Variants in ARHGAP27 observed in about 807,000 individuals in gnomAD.
ARHGAP27 encodes Rho GTPase activating protein 27, also known as rho GTPase-activating protein 27.
Under a neutral mutation model 102.0 loss-of-function variants are expected in ARHGAP27, and 53 were observed. That is an observed-to-expected ratio of 0.52 (90% CI 0.42 to 0.65). The LOEUF (loss-of-function observed/expected upper bound fraction) is 0.65. ARHGAP27 is among the 30% of genes least tolerant of loss of function. ARHGAP27 has a pLI of 0.00. For synonymous variants in ARHGAP27, 525 were observed against 542.8 expected (o/e 0.97, Z 0.46); for missense variants, 1,117 against 1,256.2 (o/e 0.89, Z 1.68).
rs1382036539 is a variant in ARHGAP27, at chr17:45,406,078, G to A, written c.663C>T (p.Asp221=). 5.9e-6 allele frequency: 9 copies of A among 1,514,288 alleles called. No homozygotes were observed. The highest frequency in any genetic ancestry group is 5.3e-6 in the Non-Finnish European group (6 of 1,134,118). The allele number at this position is 1,514,288 out of a possible 1,614,324, so 93.8% of individuals were successfully genotyped here. A position where few individuals can be genotyped will look rare whatever the true frequency, so the allele number is the denominator to read the frequency against. ...PPPEESAEQV[D]DPPEPVYANI... is the part of the protein sequence containing the mutation. ...TCGCGTACACGGGCTCCGGTGGGTC[G>A]TCCACCTGCGGGAGGAGAAAGGAGG... is the stretch of plus-strand genomic sequence containing the variant. The change falls in exon 5 of 20, where the codon GAC becomes GAT. Residue 221 remains aspartate (D), a synonymous_variant. Transcript: ENST00000685559.
intron 13 of ARHGAP27, chr17:45,397,487 A>C (rs2045894807): frequency 8.0e-6 from 2 of 250,518 alleles, no homozygotes; most frequent in African/African-American, 4.5e-5. Context: ...ATGTTGGCTC[A>C]TAGGGAATTA....
In ARHGAP27 at chr17:45,404,028, C is replaced by A; in HGVS notation, c.1547+1G>T. The A allele has an allele frequency of 6.2e-7, 1 of 1,614,002 alleles. No individual in the cohort carries two copies. Among genetic ancestry groups the A allele is most frequent in the South Asian group, 1.1e-5 (1 of 91,062 alleles). The stretch of plus-strand genomic sequence containing the variant: ...CGGCCTGAGTGTAGATGGGCTCTCA[C>A]CGGAGCCGCTTTCCCTTGTCTGCCG... On this transcript the variant is annotated splice_donor_variant, in intron 10 of 19. Transcript: ENST00000685559. LOFTEE classifies it high-confidence loss of function.
chr17:45,397,132 C>A, intron 13 of ARHGAP27, 108 bp from the exon 14 acceptor site: 1 of 1,509,224 alleles, frequency 6.6e-7, no homozygotes. Context: ...GCCTGGAGAC[C>A]CTCAGCGAAG....
At position 45,396,505 on chromosome 17, in the gene ARHGAP27, G is replaced by A. The variant is rs748854028; in HGVS notation, c.2155C>T (p.Arg719Cys). 6.4e-6 allele frequency: 10 copies of A among 1,559,992 alleles called. No homozygotes were observed. The highest frequency in any genetic ancestry group is 4.6e-5 in the South Asian group (4 of 87,018). Residue 719 changes from arginine (R) to cysteine (C), a missense_variant, in exon 16 of 20, where the codon CGC becomes TGC. This residue lies in a region of ARHGAP27 where 493 missense variants were observed against 505.5 expected (regional missense o/e 0.98). Transcript: ENST00000685559. ...CACGTACCGCGGGCCTCGACGGCGC[G>A]GATGCACTGCTGCACGAAGCGTGGC... Reference protein sequence around the residue: ...RVPRFVQQCIRAVEARGLDID... With the variant: ...RVPRFVQQCICAVEARGLDID...
rs1188502559 is a variant in ARHGAP27, at chr17:45,405,667, GC to G, written c.1065+8del. 1 of 1,578,582 alleles carries G rather than the reference GC, an allele frequency of 6.3e-7. No homozygotes were observed. Among genetic ancestry groups the G allele is most frequent in the Admixed American group, 1.7e-5 (1 of 57,574 alleles). On this transcript the variant is annotated splice_region_variant and intron_variant, in intron 5 of 19. Coordinates refer to ENST00000685559, the MANE Select transcript of ARHGAP27 (RefSeq NM_001282290.2). Reference sequence around the variant, plus strand: ...AGGTAGAACCGCCCACTCTGGCCCTGCCCCTCACCCGCGGGTCCCCTGGGCT... The same window carrying G: ...AGGTAGAACCGCCCACTCTGGCCCTGCCCTCACCCGCGGGTCCCCTGGGCT...
At chr17:45,396,462 G>A (rs1018261139) in intron 16 of ARHGAP27, 25 bp downstream of exon 16, 16 of 1,508,290 alleles carry the variant, frequency 1.1e-5, no homozygotes, top group East Asian at 9.9e-5. Flanking sequence ...AATGCCTGCC[G>A]CCCTCACCCC....
rs769083512 is a variant in ARHGAP27, at chr17:45,405,709, C to G, written c.1032G>C (p.Pro344=). The change falls in exon 5 of 20, where the codon CCG becomes CCC. Residue 344 remains proline, a synonymous_variant. Transcript: ENST00000685559. ...CCCCTGGGCTGCCAGGGCTCAGGCC[C>G]GGCTGCATCTCCAACTCCTCCTCGG... is the stretch of plus-strand genomic sequence containing the variant. ...NEPEEELEMQ[P]GLSPGSPGDP... The G allele has an allele frequency of 5.6e-6, 9 of 1,602,862 alleles. No individual in the cohort carries two copies. The highest frequency in any genetic ancestry group is 4.4e-5 in the South Asian group (4 of 90,750).
chr17:45,430,126 G>T lies in ARHGAP27; in HGVS notation c.154C>A (p.Pro52Thr), dbSNP rs1451887353. The T allele has an allele frequency of 1.3e-6, 2 of 1,525,390 alleles. No homozygotes were observed. Among genetic ancestry groups the T allele is most frequent in the Non-Finnish European group, 1.7e-6 (2 of 1,142,884 alleles). The allele number at this position is 1,525,390 out of a possible 1,614,324, so 94.5% of individuals were successfully genotyped here. Residue 52 changes from proline (P) to threonine (T), a missense_variant, in exon 4 of 20, where the codon CCC becomes ACC. Physicochemically the swap from Pro to Thr is conservative, Grantham distance 38. Around this residue, in one of 3 missense-constraint regions of ARHGAP27, gnomAD observed 610 missense variants for 716.4 expected, o/e 0.85. Transcript: ENST00000685559. This position sits in a 1 kb window ranked among gnomAD's most constrained non-coding sequence, Gnocchi z 4.4. Reference protein sequence around the residue: ...TEHWWHVRREPGGRPFYLPAQ... With the variant: ...TEHWWHVRRETGGRPFYLPAQ... ...GGCAGGTAGAAGGGGCGGCCGCCGG[G>T]CTCACGCCGCACGTGCCACCAGTGC...
At chr17:45,405,408 C>A (rs190462182) in intron 5 of ARHGAP27, among the ~76,000 whole-genome samples, 1 of 151,400 alleles carries the variant, frequency 6.6e-6, no homozygotes, top group African/African-American at 2.4e-5. Context: ...ACCCATCCTG[C>A]CCCACCCCTC....
rs535221604 is a variant in ARHGAP27, at chr17:45,406,043, C to G, written c.698G>C (p.Arg233Thr). 612 of 1,533,400 alleles carry G rather than the reference C, an allele frequency of 4.0e-4. No individual in the cohort carries two copies. Among genetic ancestry groups the G allele is most frequent in the Non-Finnish European group, 5.1e-4 (587 of 1,145,136 alleles). The allele number at this position is 1,533,400 out of a possible 1,614,324, so 95.0% of individuals were successfully genotyped here. Residue 233 changes from arginine to threonine, a missense_variant, in exon 5 of 20, where the codon AGG becomes ACG. Coordinates refer to ENST00000685559, the MANE Select transcript of ARHGAP27 (RefSeq NM_001282290.2). The part of the protein sequence containing the change: ...PPEPVYANIE[R>T]QPRATSPGAA... The stretch of plus-strand genomic sequence containing the variant: ...GCCCGGTGAAGTGGCCCGGGGCTGC[C>G]TCTCTATGTTCGCGTACACGGGCTC...
At chr17:45,398,744 A>C (rs1026117590) in intron 12 of ARHGAP27, among the ~76,000 whole-genome samples, 1 of 151,974 alleles carries the variant, frequency 6.6e-6, no homozygotes, top group Non-Finnish European at 1.5e-5. Flanking sequence ...AAAAAAAAAA[A>C]AACAAAACAA....
intron 4 of ARHGAP27, among the ~76,000 whole-genome samples, chr17:45,414,006 T>C (rs2048185244): frequency 6.6e-6 from 1 of 151,746 alleles, no homozygotes; most frequent in Non-Finnish European, 1.5e-5. Context: ...CTCGGGAGGC[T>C]GAGGCAAGAG....
intron 4 of ARHGAP27, among the ~76,000 whole-genome samples, chr17:45,407,019 T>C (rs2047256631): frequency 6.6e-6 from 1 of 152,086 alleles, no homozygotes; most frequent in South Asian, 2.1e-4. Flanking sequence ...ACATAGAACA[T>C]AAACCTAGCC....
In ARHGAP27 at chr17:45,431,647, C is replaced by A; in HGVS notation, c.-45G>T. 5.7e-6 allele frequency: 1 copy of A among 176,454 alleles called. No individual in the cohort carries two copies. The highest frequency in any genetic ancestry group is 1.0e-4 in the South Asian group (1 of 9,822). 10.9% of individuals were successfully genotyped at this position (176,454 alleles called of 1,614,324 possible). A position where few individuals can be genotyped will look rare whatever the true frequency, so the allele number is the denominator to read the frequency against. ...TCGGCTGGGCGGGCCTCAGGGAGCCCATGGGCTGGGTGGGCGGAGCCGGCG... is the reference window on the plus strand; with the variant it reads ...TCGGCTGGGCGGGCCTCAGGGAGCCAATGGGCTGGGTGGGCGGAGCCGGCG... On this transcript the variant is annotated 5_prime_UTR_variant, in exon 3 of 20. An upstream start codon of the reference 5' UTR is lost. Transcript: ENST00000685559.
rs2045448883 is a variant in ARHGAP27, at chr17:45,395,233, C to T, written c.*223G>A. ...GAATTAACCCCCAAACAGGACGTGA[C>T]GGGAAGGGAAGGGGGGATGGGGAGT... On this transcript the variant is annotated 3_prime_UTR_variant, in exon 20 of 20. Coordinates refer to ENST00000685559, the MANE Select transcript of ARHGAP27 (RefSeq NM_001282290.2). 1.7e-6 allele frequency: 1 copy of T among 600,082 alleles called. No homozygotes were observed. The highest frequency in any genetic ancestry group is 2.9e-6 in the Non-Finnish European group (1 of 346,698). The allele number at this position is 600,082 out of a possible 1,614,324, so 37.2% of individuals were successfully genotyped here. A position where few individuals can be genotyped will look rare whatever the true frequency, so the allele number is the denominator to read the frequency against.
intron 6 of ARHGAP27, 67 bp downstream of exon 6, chr17:45,404,857 C>T (rs1357636906): frequency 6.2e-7 from 1 of 1,608,332 alleles, no homozygotes; most frequent in African/African-American, 1.3e-5. Flanking sequence ...CTGAGGCGAC[C>T]TATTAGTGAG....
At chr17:45,419,508 GTA>G (rs2048809395) in intron 4 of ARHGAP27, among the ~76,000 whole-genome samples, 1 of 86,414 alleles carries the variant, frequency 1.2e-5, no homozygotes, top group African/African-American at 4.7e-5. Flanking sequence ...GACTTATGCT[GTA>G]TGTATATATA....
chr17:45,404,157 G>A (rs368786715), intron 9 of ARHGAP27, 61 bp from the exon 10 acceptor site: 4 of 1,607,510 alleles, frequency 2.5e-6, no homozygotes, highest in Non-Finnish European at 2.6e-6. Context: ...GCTATGGGGA[G>A]TAGAGGCTGG....
intron 4 of ARHGAP27, chr17:45,410,055 C>T: frequency 1.3e-6 from 1 of 777,132 alleles, no homozygotes; most frequent in Non-Finnish European, 2.0e-6. Flanking sequence ...AGCCCTGCCA[C>T]TCTTGCCCCA....
Sources: allele counts gnomAD v4.1 joint callset (sites outside exome capture counted in the v4.1 genomes callset), GRCh38; gene constraint gnomAD v4.1.1; regional missense constraint gnomAD v4.1.1; non-coding constraint Gnocchi (gnomAD v3.1); transcripts MANE v1.5; gene names NCBI Gene and HGNC (gene_info 2026-07-23, HGNC 2026-07-21).